TTK: variants seen among roughly 807,000 people sequenced by gnomAD.
TTK encodes TTK protein kinase, also known as dual specificity protein kinase TTK.
In TTK, 59 loss-of-function variants were observed where a neutral mutation model predicts 117.3. The observed-to-expected ratio is 0.50, with a 90% CI of 0.41 to 0.62. TTK has a LOEUF of 0.62. TTK is among the 20% of genes least tolerant of loss of function. TTK has a pLI of 0.00. For missense variants in TTK, 921 were observed against 989.4 expected (o/e 0.93, Z 0.93); for synonymous variants, 302 against 325.0 (o/e 0.93, Z 0.76).
rs1007461410 is a variant in TTK at position 80,039,546 on chromosome 6, A to G, written c.2131-150A>G. 5.7e-5 allele frequency: 27 copies of G among 475,328 alleles called. No homozygotes were observed. The South Asian group carries it at 2.1e-3, about 37-fold the overall frequency. 29.4% of individuals were successfully genotyped at this position (475,328 alleles called of 1,614,324 possible). A position where few individuals can be genotyped will look rare whatever the true frequency, so the allele number is the denominator to read the frequency against. On this transcript the variant is annotated intron_variant, in intron 18 of 21. Coordinates refer to ENST00000369798, the MANE Select transcript of TTK (RefSeq NM_003318.5). Reference sequence around the variant, plus strand: ...GGAATAACCAACTGAAATGAAAACTAGAAAAAGATGTTTTGTCATGTTAAC... The same window carrying G: ...GGAATAACCAACTGAAATGAAAACTGGAAAAAGATGTTTTGTCATGTTAAC...
chr6:80,013,289 A>G lies in TTK; in HGVS notation c.907A>G (p.Arg303Gly), dbSNP rs1284768524. 1.3e-6 allele frequency: 2 copies of G among 1,598,066 alleles called. No individual in the cohort carries two copies. The highest frequency in any genetic ancestry group is 3.6e-5 in the Admixed American group (2 of 55,728). The part of the protein sequence containing the change: ...VPCFMKRQTS[R>G]SECRDLVVPG... ...TTTCACGGGTAAAAGACAAACCTCT[A>G]GATCAGAATGCCGAGATTTGGTTGT... The change falls in exon 9 of 22, where the codon AGA becomes GGA. Residue 303 changes from arginine (R) to glycine (G), a missense_variant. Coordinates refer to ENST00000369798, the MANE Select transcript of TTK (RefSeq NM_003318.5).
chr6:80,040,789 T>G (rs992445039), intron 21 of TTK, 86 bp downstream of exon 21: 3 of 1,294,334 alleles, frequency 2.3e-6, no homozygotes, highest in African/African-American at 1.5e-5. Context: ...TGAAGAAAAG[T>G]TGGTCCAATC....
intron 19 of TTK, 133 bp from the exon 20 acceptor site, chr6:80,040,063 T>A (rs2127685000): frequency 1.1e-6 from 1 of 946,498 alleles, no homozygotes; most frequent in East Asian, 3.0e-5. Context: ...GGAGAAATAA[T>A]CTTGTCATAA....
chr6:80,027,655 CAA>C (rs1013468064), intron 12 of TTK, among the ~76,000 whole-genome samples: 1 of 152,054 alleles, frequency 6.6e-6, no homozygotes, highest in African/African-American at 2.4e-5. Context: ...TCTTTTCAAA[CAA>C]AGATTTCTTG....
At chr6:80,034,929 T>G (rs1475473357) in intron 14 of TTK, 56 bp from the exon 15 acceptor site, 52 of 1,278,252 alleles carry the variant, frequency 4.1e-5, no homozygotes, top group Non-Finnish European at 5.1e-5. Context: ...TTTAGAATCA[T>G]TGTGTGATAG....
chr6:80,037,004 T>C (rs1767923421), intron 17 of TTK, among the ~76,000 whole-genome samples: 1 of 152,108 alleles, frequency 6.6e-6, no homozygotes, highest in Non-Finnish European at 1.5e-5. Context: ...CCTTTTCCTA[T>C]CACTGAAATT....
chr6:80,023,449 C>G (rs1038751835), intron 11 of TTK, among the ~76,000 whole-genome samples: 4 of 151,908 alleles, frequency 2.6e-5, no homozygotes, highest in Non-Finnish European at 5.9e-5. Flanking sequence ...AAAAATTAGC[C>G]GGGTGTGGTG....
At chr6:80,025,259 G>T (rs1477935375) in intron 11 of TTK, among the ~76,000 whole-genome samples, 1 of 152,062 alleles carries the variant, frequency 6.6e-6, no homozygotes, top group Non-Finnish European at 1.5e-5. Context: ...CTTAAAATAT[G>T]TGCGTGCTTG....
chr6:80,026,152 T>C (rs941242058), intron 11 of TTK, among the ~76,000 whole-genome samples: 1 of 152,142 alleles, frequency 6.6e-6, no homozygotes, highest in Non-Finnish European at 1.5e-5. Context: ...TCCCTGTACT[T>C]GCCATCAGTT....
At chr6:80,039,102 A>T (rs1207345411) in intron 18 of TTK, among the ~76,000 whole-genome samples, 1 of 152,104 alleles carries the variant, frequency 6.6e-6, no homozygotes, top group African/African-American at 2.4e-5. Context: ...AGCTGAAATG[A>T]TTGGAATTGT....
In TTK at chr6:80,007,932, T is replaced by C. The variant is rs770044427; in HGVS notation, c.263T>C (p.Ile88Thr). The C allele has an allele frequency of 1.2e-6, 2 of 1,613,588 alleles. No homozygotes were observed. The highest frequency in any genetic ancestry group is 2.2e-5 in the South Asian group (2 of 91,062). ...PLSDALLNKL[I>T]GRYSQAIEAL... ...AGTGATGCTCTTTTAAATAAATTGA[T>C]TGGTCGTTACAGTCAAGCAATTGAA... The change falls in exon 3 of 22, where the codon ATT becomes ACT. Residue 88 changes from isoleucine to threonine, a missense_variant. Transcript: ENST00000369798.
At chr6:80,018,389 G>T (rs1295270487) in intron 10 of TTK, among the ~76,000 whole-genome samples, 2 of 151,792 alleles carry the variant, frequency 1.3e-5, no homozygotes, top group Non-Finnish European at 2.9e-5. Flanking sequence ...GCCGAGGCAG[G>T]CAGATTGCCT....
At chr6:80,016,532 C>T (rs1238871439) in intron 10 of TTK, among the ~76,000 whole-genome samples, 1 of 152,058 alleles carries the variant, frequency 6.6e-6, no homozygotes, top group Non-Finnish European at 1.5e-5. Flanking sequence ...AACTCTGTCA[C>T]CCAGGTTGCA....
In TTK at chr6:80,027,218, G is replaced by C. The variant is rs184323425; in HGVS notation, c.1395-667G>C. Among the ~76,000 whole-genome samples the C allele has an allele frequency of 3.9e-5, 6 of 152,032 alleles. No individual in the cohort carries two copies. In the East Asian group the frequency reaches 1.2e-3, roughly 29 times the overall value. On this transcript the variant is annotated intron_variant, in intron 12 of 21. Coordinates refer to ENST00000369798, the MANE Select transcript of TTK (RefSeq NM_003318.5). The stretch of plus-strand genomic sequence containing the variant: ...GTAATCCTTGATCTTAATTAGAACT[G>C]GTCTTAAAGATTTTATAACCCAGCC...
intron 13 of TTK, among the ~76,000 whole-genome samples, chr6:80,029,436 T>A (rs1296033492): frequency 1.3e-5 from 2 of 152,186 alleles, no homozygotes; most frequent in East Asian, 3.8e-4. Context: ...TATAATAAAT[T>A]ACAAAGGAAA....
rs138240813 is a variant in TTK, at chr6:80,040,850, A to C, written c.2490+147A>C. 2.1e-4 allele frequency: 133 copies of C among 647,186 alleles called. No homozygotes were observed. In the African/African-American group the frequency reaches 2.2e-3, roughly 11 times the overall value. The allele number at this position is 647,186 out of a possible 1,614,324, so 40.1% of individuals were successfully genotyped here. Reference sequence around the variant, plus strand: ...CTACATTTAGATACTTAACATGTGCATTTTGACAAATATCGATTTACTTGA... The same window carrying C: ...CTACATTTAGATACTTAACATGTGCCTTTTGACAAATATCGATTTACTTGA... On this transcript the variant is annotated intron_variant, in intron 21 of 21. Transcript: ENST00000369798.
chr6:80,023,798 TCATA>T (rs1449158399), intron 11 of TTK, among the ~76,000 whole-genome samples: 11 of 152,180 alleles, frequency 7.2e-5, no homozygotes, highest in Non-Finnish European at 1.2e-4. Context: ...TTATTACATG[TCATA>T]CAGTCTCTGG....
At chr6:80,040,439 C>G (rs1768017495) in intron 20 of TTK, among the ~76,000 whole-genome samples, 159 bp downstream of exon 20, 1 of 151,666 alleles carries the variant, frequency 6.6e-6, no homozygotes, top group Non-Finnish European at 1.5e-5. Context: ...AGTAAATAAA[C>G]TTTTTTTTCT....
intron 14 of TTK, 75 bp from the exon 15 acceptor site, chr6:80,034,910 C>T: frequency 8.2e-7 from 1 of 1,226,618 alleles, no homozygotes; most frequent in Non-Finnish European, 1.1e-6. Flanking sequence ...AACCTAAAAT[C>T]CTAATAAATT....
Sources: allele counts gnomAD v4.1 joint callset (sites outside exome capture counted in the v4.1 genomes callset), GRCh38; gene constraint gnomAD v4.1.1; transcripts MANE v1.5; gene names NCBI Gene and HGNC (gene_info 2026-07-23, HGNC 2026-07-21).